Variants in STK32B observed in about 807,000 individuals in gnomAD.
STK32B encodes the protein serine/threonine kinase 32B, also known as serine/threonine-protein kinase 32B.
A neutral mutation model predicts 52.6 loss-of-function variants in STK32B; 43 were observed. That is an observed-to-expected ratio of 0.82 (90% CI 0.64 to 1.05). The LOEUF is 1.05. Ranked by LOEUF, STK32B falls within the 50% of genes least tolerant of loss-of-function variation. The probability of loss-of-function intolerance (pLI) is 0.00; values close to 1 mark genes in which losing one functional copy is unlikely to be tolerated. For synonymous variants in STK32B, 238 were observed against 204.3 expected, an observed-to-expected ratio of 1.17 and a Z score of -1.41; for missense variants, 621 against 534.6, an observed-to-expected ratio of 1.16 and a Z score of -1.59.
At chr4:5,425,254 G>A (rs12502972) in intron 6 of STK32B, among the ~76,000 whole-genome samples, 3,078 of 152,298 alleles carry the variant, frequency 0.02, 47 homozygotes, top group South Asian at 0.085. Context: ...AGGTGAAGGT[G>A]CCACCAGCCA....
At chr4:5,141,622 G>A (rs1395742548) in intron 2 of STK32B, among the ~76,000 whole-genome samples, 1 of 152,182 alleles carries the variant, frequency 6.6e-6, no homozygotes, top group Non-Finnish European at 1.5e-5. Context: ...GGCCACAGCA[G>A]CAGCGGGGAG....
intron 4 of STK32B, among the ~76,000 whole-genome samples, chr4:5,363,663 G>T (rs1383660860): frequency 2.6e-5 from 4 of 152,196 alleles, no homozygotes; most frequent in Non-Finnish European, 4.4e-5. Context: ...GCTCTAATCA[G>T]CCAAAGAATT....
chr4:5,485,162 T>C (rs1168720772), intron 11 of STK32B, among the ~76,000 whole-genome samples: 2 of 152,134 alleles, frequency 1.3e-5, no homozygotes, highest in Non-Finnish European at 2.9e-5. Flanking sequence ...GAAGTTCTCC[T>C]GGATAATATC....
intron 1 of STK32B, among the ~76,000 whole-genome samples, chr4:5,135,177 T>C (rs1219035259): frequency 6.6e-6 from 1 of 152,194 alleles, no homozygotes; most frequent in Non-Finnish European, 1.5e-5. Flanking sequence ...GCCACTAACA[T>C]AGAATAATAT....
chr4:5,349,949 T>G (rs1046326667), intron 4 of STK32B, among the ~76,000 whole-genome samples: 2 of 151,992 alleles, frequency 1.3e-5, no homozygotes, highest in African/African-American at 4.8e-5. Flanking sequence ...GATAAAAGAA[T>G]AAAAAATAAT....
chr4:5,124,511 G>T (rs778004891), intron 1 of STK32B, among the ~76,000 whole-genome samples: 8 of 152,106 alleles, frequency 5.3e-5, no homozygotes, highest in Non-Finnish European at 7.3e-5. Flanking sequence ...CCTGGCTCAG[G>T]GCCTGGAATA....
At chr4:5,295,401 C>T (rs1436974830) in intron 3 of STK32B, among the ~76,000 whole-genome samples, 2 of 151,396 alleles carry the variant, frequency 1.3e-5, no homozygotes, top group East Asian at 1.9e-4. Context: ...TCTATATGGT[C>T]CTGGACATTT....
intron 2 of STK32B, among the ~76,000 whole-genome samples, chr4:5,143,123 C>CCG (rs1560174422): frequency 6.7e-6 from 1 of 149,732 alleles, no homozygotes; most frequent in African/African-American, 2.4e-5. Context: ...GTCTGTCTGT[C>CCG]TGTCTGTCTA....
the STK32B span, among the ~76,000 whole-genome samples, chr4:5,038,403 G>T: frequency 6.6e-6 from 1 of 152,174 alleles, no homozygotes; most frequent in Non-Finnish European, 1.5e-5. Flanking sequence ...TGAGAAACGT[G>T]TGTTGGGCAA....
At position 5,383,108 on chromosome 4, in the gene STK32B, T is replaced by C. The variant is rs553048515; in HGVS notation, c.435-15099T>C. ...TTCTAGTAAAATCAGGAAAGAGAAA[T>C]CTCTGGTTTTGTGGGGCCACCCTGG... On this transcript the variant is annotated intron_variant, in intron 4 of 11. Transcript: ENST00000282908. Among the ~76,000 whole-genome samples, 146 of 152,254 alleles carry C rather than the reference T, an allele frequency of 9.6e-4. 1 individual carries two copies. The highest frequency in any genetic ancestry group is 3.5e-3 in the African/African-American group (144 of 41,544).
At chr4:5,119,795 C>T (rs1273460715) in intron 1 of STK32B, among the ~76,000 whole-genome samples, 1 of 152,224 alleles carries the variant, frequency 6.6e-6, no homozygotes, top group Non-Finnish European at 1.5e-5. Flanking sequence ...TATTCTGAAG[C>T]TAATGTGCTG....
chr4:5,231,589 G>A (rs781255152), intron 3 of STK32B, among the ~76,000 whole-genome samples: 8 of 152,168 alleles, frequency 5.3e-5, no homozygotes, highest in Non-Finnish European at 5.9e-5. Context: ...TCCAGCCTGG[G>A]CAGCAGAGTA....
At chr4:5,314,054 G>A (rs1375069022) in intron 3 of STK32B, among the ~76,000 whole-genome samples, 1 of 151,764 alleles carries the variant, frequency 6.6e-6, no homozygotes, top group Non-Finnish European at 1.5e-5. Flanking sequence ...GTTTTTTGCA[G>A]ACATAGACAA....
chr4:5,079,736 C>T (rs1026323991), intron 1 of STK32B, among the ~76,000 whole-genome samples: 2 of 152,192 alleles, frequency 1.3e-5, no homozygotes, highest in Non-Finnish European at 2.9e-5. Context: ...ATGACCCCTA[C>T]TGTTCCCAGC....
intron 11 of STK32B, among the ~76,000 whole-genome samples, chr4:5,492,509 TGTC>T (rs1719824428): frequency 6.6e-6 from 1 of 151,994 alleles, no homozygotes; most frequent in African/African-American, 2.4e-5. Context: ...TATACAATCA[TGTC>T]GTCTGCAAAG....
chr4:5,441,340 G>A (rs1265279207), intron 6 of STK32B, among the ~76,000 whole-genome samples: 1 of 150,736 alleles, frequency 6.6e-6, no homozygotes, highest in African/African-American at 2.4e-5. Flanking sequence ...TTGGGAGAGT[G>A]TATGTGTCCA....
chr4:5,080,520 C>T (rs73089638), intron 1 of STK32B, among the ~76,000 whole-genome samples: 5,216 of 152,206 alleles, frequency 0.034, 359 homozygotes, highest in African/African-American at 0.12. Flanking sequence ...CTTCATTTCT[C>T]AGCTTTTCGC....
intron 3 of STK32B, among the ~76,000 whole-genome samples, chr4:5,181,759 G>C (rs1199332422): frequency 6.6e-6 from 1 of 152,222 alleles, no homozygotes; most frequent in African/African-American, 2.4e-5. Context: ...ATGATTATCT[G>C]AGTCTTCAAC....
chr4:5,162,817 G>A (rs1042991747), intron 2 of STK32B, among the ~76,000 whole-genome samples: 2 of 152,210 alleles, frequency 1.3e-5, no homozygotes, highest in African/African-American at 4.8e-5. Flanking sequence ...TTTTGAAGTT[G>A]AAGGTTCCCA....
Sources: gnomAD v4.1 joint callset for allele counts (sites outside exome capture counted in the v4.1 genomes callset) on GRCh38, gnomAD v4.1.1 for gene constraint, MANE v1.5 for transcripts, NCBI Gene and HGNC (gene_info 2026-07-23, HGNC 2026-07-21) for gene names.